Variants in DLGAP4 observed in about 807,000 individuals in gnomAD.
The protein encoded by DLGAP4 is DLG associated protein 4.
In DLGAP4, 18 loss-of-function variants were observed where a neutral mutation model predicts 86.9. The observed-to-expected ratio is 0.21, with a 90% CI of 0.14 to 0.31. The LOEUF (loss-of-function observed/expected upper bound fraction) is 0.31. Among genes scored for constraint, DLGAP4 ranks in the 10% least tolerant of loss-of-function variants. The pLI is 1.00. For missense variants in DLGAP4, 1,085 were observed against 1,362.6 expected, an observed-to-expected ratio of 0.80 and a Z score of 3.21; for synonymous variants, 548 against 574.3, an observed-to-expected ratio of 0.95 and a Z score of 0.65.
In DLGAP4 at chr20:36,527,152, T is replaced by C; in HGVS notation, c.*121T>C. 8.9e-7 allele frequency: 1 copy of C among 1,127,074 alleles called. No individual in the cohort carries two copies. The highest frequency in any genetic ancestry group is 1.2e-6 in the Non-Finnish European group (1 of 822,628). The allele number at this position is 1,127,074 out of a possible 1,614,324, so 69.8% of individuals were successfully genotyped here. A position where few individuals can be genotyped will look rare whatever the true frequency, so the allele number is the denominator to read the frequency against. On this transcript the variant is annotated 3_prime_UTR_variant, in exon 13 of 13. Coordinates refer to ENST00000339266, the MANE Select transcript of DLGAP4 (RefSeq NM_001365621.2). ...TCTGTCTAGAGACCCTGAGCCAACTTTCAAATTGACGCATACAAGGGCTCA... is the reference window on the plus strand; with the variant it reads ...TCTGTCTAGAGACCCTGAGCCAACTCTCAAATTGACGCATACAAGGGCTCA...
intron 2 of DLGAP4, among the ~76,000 whole-genome samples, chr20:36,390,516 T>C (rs2425242): frequency 0.63 from 96,200 of 151,880 alleles, 30,724 homozygotes; most frequent in South Asian, 0.82. Context: ...GGTGTCCCCC[T>C]ATATTTAACT....
intron 6 of DLGAP4, among the ~76,000 whole-genome samples, chr20:36,443,119 G>A (rs942734260): frequency 2.0e-5 from 3 of 152,200 alleles, no homozygotes; most frequent in African/African-American, 7.2e-5. Context: ...GAGTTGGACA[G>A]GTCAGGGGCT....
At chr20:36,467,050 CTCTCTCTCTCT>C (rs2034429434) in intron 7 of DLGAP4, among the ~76,000 whole-genome samples, 2 of 134,566 alleles carry the variant, frequency 1.5e-5, no homozygotes, top group African/African-American at 3.6e-5. Context: ...CTCTCTCTCT[CTCTCTCTCTCT>C]CTCCCCCCCC....
intron 1 of DLGAP4, among the ~76,000 whole-genome samples, chr20:36,332,661 CTG>C (rs147625710): frequency 0.012 from 1,868 of 152,264 alleles, 33 homozygotes; most frequent in African/African-American, 0.043. Context: ...GGGTGCCTCA[CTG>C]TGCATCATCT....
At chr20:36,403,750 G>A (rs1191635014) in intron 2 of DLGAP4, among the ~76,000 whole-genome samples, 1 of 152,230 alleles carries the variant, frequency 6.6e-6, no homozygotes, top group Non-Finnish European at 1.5e-5. Context: ...GACCAGCTTA[G>A]CTAGGTGGTC....
intron 7 of DLGAP4, among the ~76,000 whole-genome samples, chr20:36,475,800 C>T (rs1600603605): frequency 6.6e-6 from 1 of 152,244 alleles, no homozygotes; most frequent in East Asian, 1.9e-4. Context: ...TGCTGGGGCT[C>T]ATTCTTCAGT....
At chr20:36,439,702 C>G in intron 4 of DLGAP4, 52 bp from the exon 5 acceptor site, 1 of 1,527,678 alleles carries the variant, frequency 6.5e-7, no homozygotes, top group Non-Finnish European at 9.0e-7. Flanking sequence ...CCTCCAAAAG[C>G]TGGGTGAACA....
chr20:36,501,130 T>C (rs1033138205), intron 10 of DLGAP4, among the ~76,000 whole-genome samples: 2 of 150,976 alleles, frequency 1.3e-5, no homozygotes, highest in African/African-American at 4.9e-5. Flanking sequence ...AGTGGCTCGA[T>C]ATCAGCTCAC....
intron 1 of DLGAP4, among the ~76,000 whole-genome samples, chr20:36,323,429 A>T (rs1555890775): frequency 6.6e-6 from 1 of 152,062 alleles, no homozygotes; most frequent in Non-Finnish European, 1.5e-5. Flanking sequence ...TGTTGTGTGT[A>T]TTGGTAAGTT....
At chr20:36,435,644 C>T (rs547718553) in intron 3 of DLGAP4, among the ~76,000 whole-genome samples, 1 of 152,246 alleles carries the variant, frequency 6.6e-6, no homozygotes, top group Non-Finnish European at 1.5e-5. Context: ...CGTCCCCCCT[C>T]ATGCTGATGT....
chr20:36,526,797 C>T lies in DLGAP4; in HGVS notation c.2761-16C>T, dbSNP rs1227739443. ...CTTTATTTTATTTTTGTTCTCTCCT[C>T]ACTGTCTCACTAAAGGAAGAGAAGA... On this transcript the variant is annotated splice_polypyrimidine_tract_variant and intron_variant, in intron 12 of 12. Coordinates refer to ENST00000339266, the MANE Select transcript of DLGAP4 (RefSeq NM_001365621.2). 3.2e-6 allele frequency: 5 copies of T among 1,582,390 alleles called. No individual in the cohort carries two copies. Among genetic ancestry groups the T allele is most frequent in the African/African-American group, 1.4e-5 (1 of 73,436 alleles).
At chr20:36,472,273 G>A (rs193120601) in intron 7 of DLGAP4, among the ~76,000 whole-genome samples, 5 of 152,264 alleles carry the variant, frequency 3.3e-5, no homozygotes, top group East Asian at 3.9e-4. Flanking sequence ...AAGCCAAGAC[G>A]AGTGGATCAC....
chr20:36,409,038 T>TA (rs2032408858), intron 2 of DLGAP4, among the ~76,000 whole-genome samples: 1 of 148,346 alleles, frequency 6.7e-6, no homozygotes, highest in Admixed American at 6.7e-5. Flanking sequence ...AAAAGGCTTT[T>TA]TTTTTTTTTT....
intron 1 of DLGAP4, among the ~76,000 whole-genome samples, chr20:36,334,603 CA>C (rs2065303033): frequency 6.6e-6 from 1 of 152,054 alleles, no homozygotes; most frequent in Admixed American, 6.5e-5. Flanking sequence ...TGAATCGGGA[CA>C]GGGGCTGGGG....
intron 2 of DLGAP4, among the ~76,000 whole-genome samples, chr20:36,392,883 G>A (rs994537332): frequency 2.6e-5 from 4 of 152,166 alleles, no homozygotes; most frequent in Admixed American, 6.5e-5. Context: ...GGAAGGGGGT[G>A]AGAGAGGTGT....
At position 36,438,186 on chromosome 20, in the gene DLGAP4, C is replaced by A. The variant is rs548581313; in HGVS notation, c.1242-1568C>A. ...GTCAGGAGTTTGACACCAGCCTGGTCAACATGGCGAAACCGCATCTCTACT... is the reference window on the plus strand; with the variant it reads ...GTCAGGAGTTTGACACCAGCCTGGTAAACATGGCGAAACCGCATCTCTACT... On this transcript the variant is annotated intron_variant, in intron 4 of 12. Transcript: ENST00000339266. Among the ~76,000 whole-genome samples, 3 of 152,120 alleles carry A rather than the reference C, an allele frequency of 2.0e-5. No homozygotes were observed. In the East Asian group the frequency reaches 5.8e-4, roughly 29 times the overall value.
At chr20:36,416,573 C>A (rs1282837670) in intron 2 of DLGAP4, among the ~76,000 whole-genome samples, 2 of 152,224 alleles carry the variant, frequency 1.3e-5, no homozygotes, top group African/African-American at 4.8e-5. Flanking sequence ...GCTTCTGGCT[C>A]AGAGGGACAC....
chr20:36,332,539 G>A (rs1026320347), intron 1 of DLGAP4, among the ~76,000 whole-genome samples: 9 of 151,974 alleles, frequency 5.9e-5, no homozygotes, highest in East Asian at 5.8e-4. Context: ...ACAGGCGCCC[G>A]CCACTGCACC....
At position 36,461,861 on chromosome 20, in the gene DLGAP4, T is replaced by A. The variant is rs949173946; in HGVS notation, c.1648+14924T>A. 10 of 984,026 alleles carry A rather than the reference T, an allele frequency of 1.0e-5. No homozygotes were observed. In the African/African-American group the frequency reaches 1.8e-4, roughly 17 times the overall value. 61.0% of individuals were successfully genotyped at this position (984,026 alleles called of 1,614,324 possible). On this transcript the variant is annotated intron_variant, in intron 7 of 12. Transcript: ENST00000339266. ...CCCCGGCTCGCTGTCTCTTTGTCTC[T>A]GCCCTCGCGCTCCTCCGCAGCCCCT...
Sources: gnomAD v4.1 joint callset for allele counts (sites outside exome capture counted in the v4.1 genomes callset) on GRCh38, gnomAD v4.1.1 for gene constraint, MANE v1.5 for transcripts, NCBI Gene and HGNC (gene_info 2026-07-23, HGNC 2026-07-21) for gene names.